NRP2: variants seen among roughly 807,000 people sequenced by gnomAD.
The protein encoded by NRP2 is neuropilin-2.
Under a neutral mutation model 110.4 loss-of-function variants are expected in NRP2, and 52 were observed. The ratio of observed to expected loss-of-function variants is 0.47; its 90% confidence interval spans 0.38 to 0.59. The LOEUF (loss-of-function observed/expected upper bound fraction) is 0.59. NRP2 is among the 20% of genes least tolerant of loss of function. NRP2 has a pLI of 0.00. For missense variants in NRP2, 1,049 were observed against 1,203.0 expected (o/e 0.87, Z 1.89); for synonymous variants, 508 against 468.9 (o/e 1.08, Z -1.08).
chr2:205,728,349 C>T (rs995712187), intron 7 of NRP2, among the ~76,000 whole-genome samples: 2 of 152,186 alleles, frequency 1.3e-5, no homozygotes, highest in African/African-American at 4.8e-5. Context: ...TTCTCCCCAC[C>T]CAGGATTCAC....
intron 7 of NRP2, among the ~76,000 whole-genome samples, chr2:205,736,557 C>T (rs1184848699): frequency 3.3e-5 from 5 of 152,134 alleles, no homozygotes; most frequent in African/African-American, 7.2e-5. Context: ...AACTCTCCCA[C>T]CTGTGCAAAG....
chr2:205,776,383 C>T (rs773308962), intron 15 of NRP2: 2 of 1,613,436 alleles, frequency 1.2e-6, no homozygotes, highest in South Asian at 1.1e-5. Context: ...CCTGGTGCTC[C>T]ACTACCACCG....
intron 2 of NRP2, among the ~76,000 whole-genome samples, chr2:205,703,852 T>C (rs1317439803): frequency 1.3e-5 from 2 of 152,104 alleles, no homozygotes; most frequent in African/African-American, 2.4e-5. Flanking sequence ...ATTGTAAGGG[T>C]AGACTAAAAG....
intron 7 of NRP2, among the ~76,000 whole-genome samples, chr2:205,731,385 T>C (rs1002238161): frequency 1.3e-5 from 2 of 152,204 alleles, no homozygotes; most frequent in African/African-American, 4.8e-5. Flanking sequence ...GGCACAATTA[T>C]GTACATACAT....
intron 12 of NRP2, among the ~76,000 whole-genome samples, chr2:205,757,476 G>C (rs1317939848): frequency 6.6e-6 from 1 of 152,182 alleles, no homozygotes; most frequent in Non-Finnish European, 1.5e-5. Flanking sequence ...GGTATGGTGA[G>C]TGGATGGTTG....
chr2:205,708,190 A>T (rs367750968), intron 2 of NRP2, among the ~76,000 whole-genome samples: 7 of 152,238 alleles, frequency 4.6e-5, no homozygotes, highest in African/African-American at 1.4e-4. Context: ...TTTTATAGAC[A>T]CAGAGCAGAC....
chr2:205,764,195 AGATT>A (rs1466155891), intron 13 of NRP2: 135 of 523,000 alleles, frequency 2.6e-4, no homozygotes, highest in African/African-American at 2.4e-3. Flanking sequence ...ATTTTATTTT[AGATT>A]GCTATCAGGT....
At chr2:205,749,871 G>A in intron 11 of NRP2, 30 bp downstream of exon 11, 1 of 1,542,320 alleles carries the variant, frequency 6.5e-7, no homozygotes. Flanking sequence ...AGATGGCATG[G>A]GTGCGGACTA....
At chr2:205,714,695 A>G (rs902190160) in intron 2 of NRP2, among the ~76,000 whole-genome samples, 1 of 152,176 alleles carries the variant, frequency 6.6e-6, no homozygotes, top group African/African-American at 2.4e-5. Flanking sequence ...TGAAACTGCC[A>G]TTTTGACTTC....
intron 9 of NRP2, 130 bp from the exon 10 acceptor site, chr2:205,745,616 C>G: frequency 1.0e-6 from 1 of 975,950 alleles, no homozygotes; most frequent in Non-Finnish European, 1.6e-6. Context: ...TCCCAGTGAC[C>G]AGGAATCAAC....
chr2:205,775,613 A>G (rs1319912730), intron 15 of NRP2, among the ~76,000 whole-genome samples: 6 of 152,236 alleles, frequency 3.9e-5, no homozygotes, highest in Non-Finnish European at 8.8e-5. Context: ...TGACCTGTCT[A>G]GGCAAGACCA....
intron 15 of NRP2, among the ~76,000 whole-genome samples, chr2:205,786,078 ACTT>A (rs754661236): frequency 5.3e-5 from 8 of 152,220 alleles, no homozygotes; most frequent in Non-Finnish European, 7.3e-5. Flanking sequence ...AAGTAGCCCG[ACTT>A]CTTAACAGAG....
intron 7 of NRP2, among the ~76,000 whole-genome samples, chr2:205,737,453 C>T (rs1198227048): frequency 6.6e-6 from 1 of 152,168 alleles, no homozygotes. Context: ...GAGATATTTG[C>T]CCACACTTAT....
chr2:205,690,080 A>T (rs543916586), intron 1 of NRP2, among the ~76,000 whole-genome samples: 13 of 152,358 alleles, frequency 8.5e-5, no homozygotes, highest in Admixed American at 7.2e-4. Flanking sequence ...CCGCCTCCAC[A>T]AATCCTGCGA....
intron 15 of NRP2, among the ~76,000 whole-genome samples, chr2:205,781,645 G>T (rs1369221973): frequency 6.6e-6 from 1 of 152,220 alleles, no homozygotes; most frequent in Admixed American, 6.5e-5. Flanking sequence ...CTGCAGATCT[G>T]TAGGTGAAGG....
At chr2:205,769,967 G>A (rs1453896000) in intron 15 of NRP2, among the ~76,000 whole-genome samples, 1 of 152,158 alleles carries the variant, frequency 6.6e-6, no homozygotes, top group Non-Finnish European at 1.5e-5. Context: ...CAGAGTTCTG[G>A]GGTTTGTTGA....
At chr2:205,791,249 T>C (rs1285186551) in intron 15 of NRP2, among the ~76,000 whole-genome samples, 1 of 152,236 alleles carries the variant, frequency 6.6e-6, no homozygotes, top group Non-Finnish European at 1.5e-5. Flanking sequence ...GATTTCAATT[T>C]ATAGTAGTGA....
intron 15 of NRP2, among the ~76,000 whole-genome samples, chr2:205,780,062 G>A (rs1469625508): frequency 6.6e-6 from 1 of 152,198 alleles, no homozygotes; most frequent in Non-Finnish European, 1.5e-5. Flanking sequence ...CTCCGGGAGA[G>A]TGGTACCAGC....
chr2:205,701,970 T>C (rs1458800974), intron 2 of NRP2, among the ~76,000 whole-genome samples: 1 of 152,246 alleles, frequency 6.6e-6, no homozygotes, highest in Non-Finnish European at 1.5e-5. Flanking sequence ...ATTGCCATAA[T>C]TGGAACAGGC....
Sources: allele counts gnomAD v4.1 joint callset (sites outside exome capture counted in the v4.1 genomes callset), GRCh38; gene constraint gnomAD v4.1.1; transcripts MANE v1.5; gene names NCBI Gene and HGNC (gene_info 2026-07-23, HGNC 2026-07-21).